NBAS: variants seen among roughly 807,000 people sequenced by gnomAD.
NBAS encodes NAG/BC035112 fusion.
Under a neutral mutation model 302.5 loss-of-function variants are expected in NBAS, and 219 were observed. That is an observed-to-expected ratio of 0.72 (90% CI 0.65 to 0.81). The LOEUF (loss-of-function observed/expected upper bound fraction) is 0.81. Ranked by LOEUF, NBAS falls within the 30% of genes least tolerant of loss-of-function variation. NBAS has a pLI of 0.00. For missense variants in NBAS, 2,932 were observed against 2,841.6 expected (o/e 1.03, Z -0.72); for synonymous variants, 1,118 against 1,021.6 (o/e 1.09, Z -1.80).
the NBAS span, among the ~76,000 whole-genome samples, chr2:15,139,866 T>C: frequency 6.6e-6 from 1 of 152,208 alleles, no homozygotes; most frequent in African/African-American, 2.4e-5. Flanking sequence ...CAGTAGTTGG[T>C]AACAGGTTGT....
intron 44 of NBAS, among the ~76,000 whole-genome samples, chr2:15,273,444 T>C (rs185485637): frequency 1.4e-3 from 212 of 152,360 alleles, no homozygotes; most frequent in African/African-American, 4.3e-3. Flanking sequence ...CCAGGTCCCC[T>C]GACTCTAGTT....
At chr2:14,788,696 G>C in the NBAS span, among the ~76,000 whole-genome samples, 12 of 152,286 alleles carry the variant, frequency 7.9e-5, no homozygotes, top group African/African-American at 2.9e-4. Flanking sequence ...TTGTCTCAGA[G>C]GAGTACCTGG....
chr2:15,064,507 G>A, the NBAS span, among the ~76,000 whole-genome samples: 3 of 151,864 alleles, frequency 2.0e-5, no homozygotes, highest in Admixed American at 6.6e-5. Context: ...TGCAAAAATA[G>A]ATAAATAAAA....
intron 22 of NBAS, among the ~76,000 whole-genome samples, chr2:15,425,941 A>C (rs527893319): frequency 9.2e-5 from 14 of 151,852 alleles, no homozygotes; most frequent in Non-Finnish European, 1.6e-4. Context: ...CTTCTCAGTC[A>C]CCTTTGCTAC....
At chr2:14,806,835 A>G in the NBAS span, among the ~76,000 whole-genome samples, 1 of 152,230 alleles carries the variant, frequency 6.6e-6, no homozygotes, top group Non-Finnish European at 1.5e-5. Flanking sequence ...CATATGAGCC[A>G]ATCCTGATTA....
chr2:15,272,257 T>C (rs1669359025), intron 44 of NBAS, among the ~76,000 whole-genome samples: 2 of 152,238 alleles, frequency 1.3e-5, no homozygotes, highest in South Asian at 2.1e-4. Context: ...TTACCAGTTC[T>C]TTCCAAAAAT....
At chr2:15,323,972 A>G (rs1386527879) in intron 38 of NBAS, among the ~76,000 whole-genome samples, 1 of 152,054 alleles carries the variant, frequency 6.6e-6, no homozygotes, top group Non-Finnish European at 1.5e-5. Flanking sequence ...AAAAATTCCT[A>G]AGAGATTCTA....
At chr2:14,920,097 AG>A in the NBAS span, among the ~76,000 whole-genome samples, 2 of 152,222 alleles carry the variant, frequency 1.3e-5, no homozygotes, top group Non-Finnish European at 2.9e-5. Flanking sequence ...CCAAATAATA[AG>A]ACTTGAAAGT....
chr2:14,887,307 G>C, the NBAS span, among the ~76,000 whole-genome samples: 1 of 151,256 alleles, frequency 6.6e-6, no homozygotes, highest in Admixed American at 6.6e-5. Flanking sequence ...GAGAGGCTGA[G>C]GCAGGAGAAT....
intron 14 of NBAS, 24 bp from the exon 15 acceptor site, chr2:15,474,348 A>C: frequency 6.3e-7 from 1 of 1,594,532 alleles, no homozygotes. Flanking sequence ...GGAGATTTGA[A>C]GTTAATAGTA....
At chr2:15,224,472 A>G (rs1667076654) in intron 47 of NBAS, among the ~76,000 whole-genome samples, 1 of 152,248 alleles carries the variant, frequency 6.6e-6, no homozygotes, top group Non-Finnish European at 1.5e-5. Context: ...ATCAAACCTG[A>G]AGGAACATTA....
At chr2:15,412,781 G>A (rs370134260) in intron 25 of NBAS, among the ~76,000 whole-genome samples, 1 of 152,118 alleles carries the variant, frequency 6.6e-6, no homozygotes, top group Non-Finnish European at 1.5e-5. Flanking sequence ...AGCCATGAAG[G>A]GGGGGCTCTT....
chr2:15,412,113 A>G (rs112270395), intron 25 of NBAS, among the ~76,000 whole-genome samples: 6 of 152,296 alleles, frequency 3.9e-5, no homozygotes, highest in African/African-American at 1.4e-4. Context: ...TAGCACTAGT[A>G]TAAGTCTAAA....
At chr2:15,261,582 A>G (rs1450647645) in intron 44 of NBAS, among the ~76,000 whole-genome samples, 1 of 152,204 alleles carries the variant, frequency 6.6e-6, no homozygotes, top group African/African-American at 2.4e-5. Context: ...CAATAACCAC[A>G]GAAATAGTAT....
At chr2:15,368,844 A>C (rs1176664786) in intron 31 of NBAS, among the ~76,000 whole-genome samples, 1 of 152,228 alleles carries the variant, frequency 6.6e-6, no homozygotes, top group African/African-American at 2.4e-5. Flanking sequence ...TACTGTGACA[A>C]GACCGTGTCT....
the NBAS span, among the ~76,000 whole-genome samples, chr2:14,906,366 T>C: frequency 0.028 from 4,196 of 152,326 alleles, 211 homozygotes; most frequent in African/African-American, 0.093. Flanking sequence ...TCAAATAGCC[T>C]GCTCGTAAGT....
At chr2:15,047,303 CTGACGGAGAG>C in the NBAS span, among the ~76,000 whole-genome samples, 1 of 152,268 alleles carries the variant, frequency 6.6e-6, no homozygotes, top group Non-Finnish European at 1.5e-5. Flanking sequence ...AGATGTGGTG[CTGACGGAGAG>C]GCCCATTGGC....
the NBAS span, among the ~76,000 whole-genome samples, chr2:15,060,954 T>A: frequency 6.6e-6 from 1 of 152,164 alleles, no homozygotes; most frequent in African/African-American, 2.4e-5. Flanking sequence ...GCCACATAAT[T>A]TATGACATGA....
At chr2:14,797,105 A>C in the NBAS span, among the ~76,000 whole-genome samples, 1 of 150,362 alleles carries the variant, frequency 6.7e-6, no homozygotes, top group South Asian at 2.1e-4. Context: ...AAAAAAAAAA[A>C]AAAAAAAAAC....
Sources: allele counts gnomAD v4.1 joint callset (sites outside exome capture counted in the v4.1 genomes callset), GRCh38; gene constraint gnomAD v4.1.1; transcripts MANE v1.5; gene names NCBI Gene and HGNC (gene_info 2026-07-23, HGNC 2026-07-21).